Variants in GNG4 observed in about 807,000 individuals in gnomAD.
GNG4 encodes G protein subunit gamma 4, also known as guanine nucleotide-binding protein G(I)/G(S)/G(O) subunit gamma-4.
In GNG4, 4 loss-of-function variants were observed where a neutral mutation model predicts 5.8. That is an observed-to-expected ratio of 0.69 (90% confidence interval 0.34 to 1.57). The LOEUF (loss-of-function observed/expected upper bound fraction) is 1.57. GNG4 is among the 40% of genes most tolerant of loss of function. The pLI is 0.06. For missense variants in GNG4, 96 were observed against 95.1 expected (o/e 1.01, Z -0.04); for synonymous variants, 29 against 32.9 (o/e 0.88, Z 0.41).
intron 1 of GNG4, among the ~76,000 whole-genome samples, chr1:235,598,869 G>T (rs1350479388): frequency 1.3e-5 from 2 of 151,984 alleles, no homozygotes; most frequent in African/African-American, 2.4e-5. Flanking sequence ...GGGATTACAG[G>T]TGCATGCCAC....
At chr1:235,617,394 T>C (rs958465722) in intron 1 of GNG4, among the ~76,000 whole-genome samples, 2 of 152,208 alleles carry the variant, frequency 1.3e-5, no homozygotes, top group African/African-American at 2.4e-5. Flanking sequence ...GCTCATCTGC[T>C]CCTAGCAGAA....
chr1:235,613,124 T>C (rs2102970310), intron 1 of GNG4, among the ~76,000 whole-genome samples: 1 of 150,468 alleles, frequency 6.6e-6, no homozygotes. Context: ...GGTGGGGGGG[T>C]CACAAACATT....
rs1657366114 is a variant in GNG4 at position 235,642,616 on chromosome 1, G to GGA, written c.-123+7044_-123+7045dup. Among the ~76,000 whole-genome samples, 1 of 152,256 alleles carries GGA rather than the reference G, an allele frequency of 6.6e-6. No individual in the cohort carries two copies. The highest frequency in any genetic ancestry group is 2.1e-4 in the South Asian group (1 of 4,816). On this transcript the variant is annotated intron_variant, in intron 1 of 3. Coordinates refer to ENST00000391854, the MANE Select transcript of GNG4 (RefSeq NM_001098722.2). The surrounding 1 kb of genome is among the most constrained non-coding windows in gnomAD (Gnocchi z 4.3). ...GCGGGCAGGAGGGGCAGGGGGCCAGGGAGAGGGCAGGGTTGGGAGGGTCTC... is the reference window on the plus strand; with the variant it reads ...GCGGGCAGGAGGGGCAGGGGGCCAGGGAGAGAGGGCAGGGTTGGGAGGGTCTC...
intron 3 of GNG4, among the ~76,000 whole-genome samples, chr1:235,553,792 C>T (rs566365094): frequency 1.3e-5 from 2 of 152,302 alleles, no homozygotes; most frequent in Admixed American, 6.5e-5. Flanking sequence ...TACCCCCGCC[C>T]GTAAGCTAGC....
chr1:235,613,116 T>G (rs1451216398), intron 1 of GNG4, among the ~76,000 whole-genome samples: 1 of 146,654 alleles, frequency 6.8e-6, no homozygotes, highest in African/African-American at 2.5e-5. Flanking sequence ...TTTGGAGGGG[T>G]GGGGGGGTCA....
At chr1:235,647,792 G>A (rs982561843) in intron 1 of GNG4, among the ~76,000 whole-genome samples, 7 of 152,218 alleles carry the variant, frequency 4.6e-5, no homozygotes, top group South Asian at 2.1e-4. Flanking sequence ...GCACCACCAC[G>A]CCCGCCTAAT....
Position 235,579,082 on chromosome 1 carries a change from G to A in GNG4, c.99+4658C>T, listed in dbSNP as rs923316045. 4.8e-5 allele frequency among the ~76,000 whole-genome samples: 7 copies of A among 144,646 alleles called. No homozygotes were observed. The East Asian group carries it at 8.0e-4, about 16-fold the overall frequency. The allele number at this position is 144,646 out of a possible 152,430, so 94.9% of individuals were successfully genotyped here. On this transcript the variant is annotated intron_variant, in intron 3 of 3. Transcript: ENST00000391854. ...ACTGCACTCCAGCCTGGGTGACAGA[G>A]CAAGACTCCATCTCAAAAAAAAAAA... is the stretch of plus-strand genomic sequence containing the variant.
At position 235,551,123 on chromosome 1, in the gene GNG4, G is replaced by C. The variant is rs1223028536; in HGVS notation, c.*986C>G. 1.3e-5 allele frequency: 2 copies of C among 152,286 alleles called. No individual in the cohort carries two copies. The highest frequency in any genetic ancestry group is 4.8e-5 in the African/African-American group (2 of 41,462). The allele number at this position is 152,286 out of a possible 1,614,324, so 9.4% of individuals were successfully genotyped here. On this transcript the variant is annotated 3_prime_UTR_variant, in exon 4 of 4. Coordinates refer to ENST00000391854, the MANE Select transcript of GNG4 (RefSeq NM_001098722.2). ...TCTGCCACAGCGCGTCAACGGTATG[G>C]GGTACTTTTACAGTCAAGTTGACTT... is the stretch of plus-strand genomic sequence containing the variant.
At chr1:235,605,999 C>T (rs1005300900) in intron 1 of GNG4, among the ~76,000 whole-genome samples, 1 of 151,332 alleles carries the variant, frequency 6.6e-6, no homozygotes, top group Admixed American at 6.6e-5. Flanking sequence ...GTCTTGCACT[C>T]TTGGGCTTAA....
At chr1:235,596,398 G>T (rs544420766) in intron 1 of GNG4, among the ~76,000 whole-genome samples, 1 of 152,090 alleles carries the variant, frequency 6.6e-6, no homozygotes, top group Admixed American at 6.5e-5. Context: ...TTAGCCAGGC[G>T]TGGTGGCACA....
intron 3 of GNG4, among the ~76,000 whole-genome samples, chr1:235,571,802 G>T (rs1056952483): frequency 1.2e-4 from 18 of 152,084 alleles, no homozygotes; most frequent in African/African-American, 4.1e-4. Flanking sequence ...ATAGCCTATT[G>T]CTCCTAGGCT....
intron 3 of GNG4, among the ~76,000 whole-genome samples, chr1:235,553,675 C>T (rs1686816394): frequency 2.0e-5 from 3 of 152,190 alleles, no homozygotes; most frequent in African/African-American, 4.8e-5. Flanking sequence ...TCAAATAAAT[C>T]AACTTGAAGT....
chr1:235,591,305 C>G (rs1405912679), intron 2 of GNG4, among the ~76,000 whole-genome samples: 1 of 152,166 alleles, frequency 6.6e-6, no homozygotes, highest in Non-Finnish European at 1.5e-5. Context: ...AGACTCATCC[C>G]CTGGGTGATC....
At chr1:235,599,986 G>GTGA (rs1419056812) in intron 1 of GNG4, among the ~76,000 whole-genome samples, 1 of 150,656 alleles carries the variant, frequency 6.6e-6, no homozygotes, top group Non-Finnish European at 1.5e-5. Flanking sequence ...ACCCCAGGAA[G>GTGA]TGATTTTAGA....
chr1:235,645,797 C>CAA (rs6143682), intron 1 of GNG4, among the ~76,000 whole-genome samples: 164 of 89,800 alleles, frequency 1.8e-3, no homozygotes, highest in East Asian at 4.3e-3. Context: ...AACTCAGTCT[C>CAA]AAAAAAAAAA....
At position 235,576,060 on chromosome 1, in the gene GNG4, CTTTTTTTTTT is replaced by C. The variant is rs58409885; in HGVS notation, c.99+7670_99+7679del. Among the ~76,000 whole-genome samples the C allele has an allele frequency of 2.7e-5, 3 of 112,948 alleles. No individual in the cohort carries two copies. In the East Asian group the frequency reaches 8.4e-4, roughly 32 times the overall value. The allele number at this position is 112,948 out of a possible 152,430, so 74.1% of individuals were successfully genotyped here. A position where few individuals can be genotyped will look rare whatever the true frequency, so the allele number is the denominator to read the frequency against. On this transcript the variant is annotated intron_variant, in intron 3 of 3. Transcript: ENST00000391854. ...TTTAATGATCAATGTCATATATGTACTTTTTTTTTTTTTTTTTTTGAGACAGAGTCTCACT... is the reference window on the plus strand; with the variant it reads ...TTTAATGATCAATGTCATATATGTACTTTTTTTTTGAGACAGAGTCTCACT...
intron 1 of GNG4, among the ~76,000 whole-genome samples, chr1:235,625,914 G>A (rs75200007): frequency 0.044 from 6,731 of 152,208 alleles, 437 homozygotes; most frequent in African/African-American, 0.15. Flanking sequence ...GCAGGTTTTC[G>A]TGTGAACATA....
At chr1:235,605,776 C>T (rs1688344152) in intron 1 of GNG4, among the ~76,000 whole-genome samples, 1 of 151,808 alleles carries the variant, frequency 6.6e-6, no homozygotes, top group African/African-American at 2.4e-5. Context: ...TTTCAGGAAA[C>T]CCTGGGTGGT....
At chr1:235,555,355 G>A (rs1039299811) in intron 3 of GNG4, among the ~76,000 whole-genome samples, 7 of 152,156 alleles carry the variant, frequency 4.6e-5, no homozygotes, top group Non-Finnish European at 8.8e-5. Context: ...ACAAGCTCAG[G>A]AGGCAGCTGG....
Sources: allele counts gnomAD v4.1 joint callset (sites outside exome capture counted in the v4.1 genomes callset), GRCh38; gene constraint gnomAD v4.1.1; non-coding constraint Gnocchi (gnomAD v3.1); transcripts MANE v1.5; gene names NCBI Gene and HGNC (gene_info 2026-07-23, HGNC 2026-07-21).